Variants in PVRIG observed in about 807,000 individuals in gnomAD.
PVRIG encodes the protein PVR related immunoglobulin domain containing.
Under a neutral mutation model 21.9 loss-of-function variants are expected in PVRIG, and 16 were observed. The ratio of observed to expected loss-of-function variants is 0.73; its 90% confidence interval spans 0.50 to 1.11. The LOEUF is 1.11. Ranked by LOEUF, PVRIG falls within the 50% of genes most tolerant of loss-of-function variation. The pLI is 0.00. For synonymous variants in PVRIG, 190 were observed against 181.0 expected (o/e 1.05, Z -0.40); for missense variants, 435 against 445.7 (o/e 0.98, Z 0.22).
At chr7:100,220,549 C>A in exon 4 of PVRIG, 1 of 1,611,680 alleles carries the variant, frequency 6.2e-7, no homozygotes, top group Non-Finnish European at 8.5e-7. Context: ...GTGCCCAGGG[C>A]TCTCTGCCCC....
chr7:100,221,059 C>G (rs369682891), exon 6 of PVRIG: 2 of 1,613,830 alleles, frequency 1.2e-6, no homozygotes, highest in Admixed American at 1.7e-5. Context: ...TCCCCACCCA[C>G]GCTGCACACC....
chr7:100,221,232 G>A, exon 6 of PVRIG: 1 of 1,584,012 alleles, frequency 6.3e-7, no homozygotes, highest in Non-Finnish European at 8.6e-7. Context: ...GCCATGGAAG[G>A]ACCCTTAGGA....
At chr7:100,221,081 C>G in exon 6 of PVRIG, 1 of 1,614,024 alleles carries the variant, frequency 6.2e-7, no homozygotes, top group Non-Finnish European at 8.5e-7. Flanking sequence ...GCCCCAGGGC[C>G]CTGCCGCCTG....
At chr7:100,219,558 T>C (rs1393728129) in intron 1 of PVRIG, 1 of 367,862 alleles carries the variant, frequency 2.7e-6, no homozygotes, top group Non-Finnish European at 5.0e-6. Flanking sequence ...CCCTGCTGGC[T>C]TCCCACTCCC....
exon 3 of PVRIG, chr7:100,220,336 T>G (rs571572044): frequency 1.9e-6 from 3 of 1,558,012 alleles, no homozygotes; most frequent in African/African-American, 1.4e-5. Context: ...CAGAGCAGCA[T>G]CTCTCTCATC....
rs369789179 is a variant in PVRIG, at chr7:100,219,888, T to C, written c.-23T>C. ...GAGAAGGAAGTGGCTGTTTGGCTGCTGACAACATGAAGACTTCCTGCGATG... is the reference window on the plus strand; with the variant it reads ...GAGAAGGAAGTGGCTGTTTGGCTGCCGACAACATGAAGACTTCCTGCGATG... On this transcript the variant is annotated 5_prime_UTR_variant, in exon 2 of 6. Transcript: ENST00000317271. 679 of 1,537,500 alleles carry C rather than the reference T, an allele frequency of 4.4e-4. 5 individuals are homozygous for C. In the African/African-American group the frequency reaches 8.6e-3, roughly 20 times the overall value.
chr7:100,220,092 C>T (rs754605153), intron 2 of PVRIG, 22 bp from the exon 2 acceptor site: 33 of 1,602,008 alleles, frequency 2.1e-5, no homozygotes, highest in Middle Eastern at 1.8e-4. Context: ...AACAGCCCAC[C>T]GACCTTGCTG....
At chr7:100,221,074 C>T (rs1803216723) in exon 6 of PVRIG, 9 of 1,614,004 alleles carry the variant, frequency 5.6e-6, no homozygotes, top group Non-Finnish European at 7.6e-6. Context: ...CACACCGGCC[C>T]CAGGGCCCTG....
At chr7:100,219,714 C>T in exon 2 of PVRIG, 2 of 627,482 alleles carry the variant, frequency 3.2e-6, no homozygotes, top group Non-Finnish European at 5.8e-6. Context: ...CCTCCCCAGG[C>T]CTAGCCAGGG....
At chr7:100,219,841 C>A in exon 2 of PVRIG, 4 of 1,263,722 alleles carry the variant, frequency 3.2e-6, no homozygotes, top group Non-Finnish European at 4.5e-6. Flanking sequence ...TGCTCACCAC[C>A]TCTGGGGAAG....
chr7:100,220,084 C>T (rs746701455), intron 2 of PVRIG, 30 bp from the exon 2 acceptor site: 1 of 1,602,948 alleles, frequency 6.2e-7, no homozygotes, highest in Non-Finnish European at 8.5e-7. Flanking sequence ...TGTAGGACAA[C>T]AGCCCACCGA....
chr7:100,219,883 G>A, exon 2 of PVRIG: 2 of 1,525,352 alleles, frequency 1.3e-6, no homozygotes, highest in Non-Finnish European at 8.9e-7. Flanking sequence ...TGGCTGTTTG[G>A]CTGCTGACAA....
In PVRIG at chr7:100,220,596, C is replaced by T. The variant is rs780266880; in HGVS notation, c.519C>T (p.Ala173=). Reference sequence around the variant, plus strand: ...CCCCCATTCTGCGGGCAGACCTGGCCGGGATCTTGGGGGTCTCAGGAGTCC... The same window carrying T: ...CCCCCATTCTGCGGGCAGACCTGGCTGGGATCTTGGGGGTCTCAGGAGTCC... The change falls in exon 4 of 6, where the codon GCC becomes GCT. Residue 173 remains alanine (A), a synonymous_variant. Coordinates refer to ENST00000317271, the Ensembl canonical transcript of PVRIG. The T allele has an allele frequency of 1.1e-5, 18 of 1,611,886 alleles. No homozygotes were observed. In the Admixed American group the frequency reaches 1.3e-4, roughly 12 times the overall value.
chr7:100,220,350 G>C, exon 3 of PVRIG: 4 of 1,561,158 alleles, frequency 2.6e-6, no homozygotes, highest in Non-Finnish European at 3.5e-6. Flanking sequence ...TCTCATCCTG[G>C]AAGGCTCTGG....
exon 5 of PVRIG, chr7:100,220,799 G>C (rs765090165): frequency 6.2e-7 from 1 of 1,606,292 alleles, no homozygotes; most frequent in Admixed American, 1.7e-5. Flanking sequence ...CCAGCCCCCA[G>C]GCACCGAGAG....
At position 100,221,182 on chromosome 7, in the gene PVRIG, TC is replaced by T. The variant is rs762145082; in HGVS notation, c.915del (p.Gly306AlafsTer18). The T allele has an allele frequency of 1.9e-6, 3 of 1,611,450 alleles. No individual in the cohort carries two copies. The highest frequency in any genetic ancestry group is 2.7e-5 in the African/African-American group (2 of 75,046). On this transcript the variant is annotated frameshift_variant, in exon 6 of 6. Transcript: ENST00000317271. LOFTEE classifies it low-confidence loss of function (END_TRUNC). The stretch of plus-strand genomic sequence containing the variant: ...CAGGGGAGAGGCCTCCTCACACTGG[TC>T]CCGGCCTCACTCTTTTCCCTGACCC...
exon 6 of PVRIG, chr7:100,221,487 C>CGGCCTGA: frequency 2.3e-6 from 1 of 443,266 alleles, no homozygotes; most frequent in Non-Finnish European, 4.0e-6. Context: ...TCTCTGATGT[C>CGGCCTGA]GGCCTCGGCT....
rs758208598 is a variant in PVRIG, at chr7:100,220,405, C to T, written c.410C>T (p.Ala137Val). The T allele has an allele frequency of 1.4e-5, 23 of 1,595,510 alleles. No homozygotes were observed. In the Middle Eastern group the frequency reaches 6.8e-4, roughly 48 times the overall value. ...AACACCACCTTCTGCTGCAAGTTTGCGTCCTTCCCTGAGGGCTCCTGGGAG... is the reference window on the plus strand; with the variant it reads ...AACACCACCTTCTGCTGCAAGTTTGTGTCCTTCCCTGAGGGCTCCTGGGAG... The change falls in exon 3 of 6, where the codon GCG (alanine) becomes GTG (valine). Residue 137 changes from alanine (A) to valine (V), a missense_variant. Transcript: ENST00000317271.
At chr7:100,219,969 C>T (rs556567389) in exon 2 of PVRIG, 2 of 1,579,116 alleles carry the variant, frequency 1.3e-6, no homozygotes, top group Non-Finnish European at 1.7e-6. Context: ...CTGGAGGGGG[C>T]CATGGGGCAC....
Sources: gnomAD v4.1 joint callset for allele counts on GRCh38, gnomAD v4.1.1 for gene constraint, MANE v1.5 for transcripts, NCBI Gene and HGNC (gene_info 2026-07-23, HGNC 2026-07-21) for gene names.